EXOC1L: variants seen among roughly 807,000 people sequenced by gnomAD.
The protein encoded by EXOC1L is exocyst complex component 1-like.
In EXOC1L, 10 loss-of-function variants were observed where a neutral mutation model predicts 4.9. The ratio of observed to expected loss-of-function variants is 2.02; its 90% confidence interval spans 1.25 to 3.43. EXOC1L has a LOEUF of 3.43. Ranked by LOEUF, EXOC1L falls within the 30% of genes most tolerant of loss-of-function variation. EXOC1L has a pLI of 0.00. For missense variants in EXOC1L, 114 were observed against 59.4 expected (o/e 1.92, Z -3.02); for synonymous variants, 41 against 20.8 (o/e 1.97, Z -2.63).
intron 2 of EXOC1L, 137 bp downstream of exon 2, chr4:55,831,601 T>A: frequency 2.2e-6 from 1 of 448,892 alleles, no homozygotes. Context: ...CATAGTTTAA[T>A]CTACTGGGAT....
At chr4:55,821,639 G>A (rs987671154) in intron 1 of EXOC1L, among the ~76,000 whole-genome samples, 1 of 151,732 alleles carries the variant, frequency 6.6e-6, no homozygotes, top group Non-Finnish European at 1.5e-5. Flanking sequence ...AACTAGACTT[G>A]TTCTATCTGA....
intron 2 of EXOC1L, among the ~76,000 whole-genome samples, chr4:55,832,383 C>A (rs1260629489): frequency 6.6e-6 from 1 of 151,912 alleles, no homozygotes; most frequent in African/African-American, 2.4e-5. Flanking sequence ...TTGTTCCAAC[C>A]TTTAAAATCT....
At chr4:55,828,798 A>G (rs904934039) in intron 1 of EXOC1L, among the ~76,000 whole-genome samples, 2 of 152,186 alleles carry the variant, frequency 1.3e-5, no homozygotes, top group Non-Finnish European at 2.9e-5. Flanking sequence ...AGCCATGATC[A>G]TGCCACTGTA....
intron 1 of EXOC1L, among the ~76,000 whole-genome samples, chr4:55,826,079 C>G (rs1719874209): frequency 7.3e-6 from 1 of 136,824 alleles, no homozygotes; most frequent in African/African-American, 2.7e-5. Context: ...GAGCGAAACT[C>G]CATCTCAAAA....
In EXOC1L at chr4:55,837,211, C is replaced by G. The variant is rs1212814424; in HGVS notation, c.379C>G (p.Gln127Glu). ...TCATGCATATCTTAAAAAGGACTTA[C>G]AGATCGTGAACTTTGATTCTACATA... is the stretch of plus-strand genomic sequence containing the variant. ...LNHAYLKKDLQIVNFDSTYIN... is the reference protein window; with the variant it reads ...LNHAYLKKDLEIVNFDSTYIN... The change falls in exon 3 of 3, where the codon CAG (glutamine) becomes GAG (glutamate). Residue 127 changes from glutamine (Q) to glutamate (E), a missense_variant. Physicochemically the swap from Gln to Glu is conservative, Grantham distance 29. Coordinates refer to ENST00000636125, the MANE Select transcript of EXOC1L (RefSeq NM_001351574.3). 3 of 702,054 alleles carry G rather than the reference C, an allele frequency of 4.3e-6. No individual in the cohort carries two copies. The highest frequency in any genetic ancestry group is 7.8e-6 in the Non-Finnish European group (3 of 384,350). The allele number at this position is 702,054 out of a possible 1,614,324, so 43.5% of individuals were successfully genotyped here.
intron 1 of EXOC1L, among the ~76,000 whole-genome samples, chr4:55,820,928 C>T (rs971373327): frequency 8.5e-5 from 13 of 152,120 alleles, no homozygotes; most frequent in African/African-American, 3.1e-4. Context: ...CATTATTGAA[C>T]AGAATATACA....
rs540897347 is a variant in EXOC1L, at chr4:55,828,165, C to T, written c.122-3169C>T. On this transcript the variant is annotated intron_variant, in intron 1 of 2. Coordinates refer to ENST00000636125, the MANE Select transcript of EXOC1L (RefSeq NM_001351574.3). ...TGTGATCTCCATCATAGCCTTTAGTCTTCCTTCCTATTACCTTTGTAAATC... is the reference window on the plus strand; with the variant it reads ...TGTGATCTCCATCATAGCCTTTAGTTTTCCTTCCTATTACCTTTGTAAATC... 5.9e-5 allele frequency among the ~76,000 whole-genome samples: 9 copies of T among 152,290 alleles called. No homozygotes were observed. In the East Asian group the frequency reaches 1.7e-3, roughly 29 times the overall value.
chr4:55,834,092 T>A (rs949393614), intron 2 of EXOC1L, among the ~76,000 whole-genome samples: 1 of 151,932 alleles, frequency 6.6e-6, no homozygotes, highest in African/African-American at 2.4e-5. Context: ...TTAATTTACA[T>A]AAATGTAATA....
chr4:55,835,385 C>A (rs1720134311), intron 2 of EXOC1L, among the ~76,000 whole-genome samples: 1 of 151,888 alleles, frequency 6.6e-6, no homozygotes, highest in Non-Finnish European at 1.5e-5. Context: ...AGTTGGATTG[C>A]TGGATCAAAT....
chr4:55,820,533 A>T (rs1392043295), intron 1 of EXOC1L, among the ~76,000 whole-genome samples: 1 of 152,202 alleles, frequency 6.6e-6, no homozygotes, highest in Non-Finnish European at 1.5e-5. Flanking sequence ...TGGAGAATTG[A>T]GTTATACAGC....
intron 1 of EXOC1L, among the ~76,000 whole-genome samples, chr4:55,823,299 G>A (rs1719792653): frequency 6.6e-6 from 1 of 152,002 alleles, no homozygotes; most frequent in African/African-American, 2.4e-5. Flanking sequence ...AGAAAAGGAG[G>A]TTGCTAAAAA....
chr4:55,830,236 CAA>C (rs1054536230), intron 1 of EXOC1L, among the ~76,000 whole-genome samples: 4 of 152,184 alleles, frequency 2.6e-5, no homozygotes, highest in Admixed American at 6.5e-5. Context: ...GAGAGCATGT[CAA>C]AGTGATGCTT....
At chr4:55,822,607 G>T (rs151205981) in intron 1 of EXOC1L, among the ~76,000 whole-genome samples, 8 of 152,330 alleles carry the variant, frequency 5.3e-5, no homozygotes, top group African/African-American at 1.9e-4. Context: ...AAACTGGATG[G>T]AAAGTAACAG....
At chr4:55,833,027 A>T (rs1377071748) in intron 2 of EXOC1L, among the ~76,000 whole-genome samples, 3 of 152,006 alleles carry the variant, frequency 2.0e-5, no homozygotes, top group African/African-American at 4.8e-5. Context: ...AAACCTTTTT[A>T]AAAAAGTTGG....
chr4:55,834,806 G>T (rs1226842308), intron 2 of EXOC1L, among the ~76,000 whole-genome samples: 2 of 151,632 alleles, frequency 1.3e-5, no homozygotes, highest in Non-Finnish European at 3.0e-5. Flanking sequence ...TATGATTATG[G>T]TTTTTTTAAT....
At chr4:55,828,053 G>A (rs1246413376) in intron 1 of EXOC1L, among the ~76,000 whole-genome samples, 3 of 152,122 alleles carry the variant, frequency 2.0e-5, no homozygotes, top group Non-Finnish European at 2.9e-5. Flanking sequence ...AAGATCTTCT[G>A]CTTGAGGTCC....
chr4:55,829,336 G>T (rs1234164659), intron 1 of EXOC1L, among the ~76,000 whole-genome samples: 1 of 152,174 alleles, frequency 6.6e-6, no homozygotes, highest in African/African-American at 2.4e-5. Context: ...CATAAGAAAA[G>T]TGAGGTTTAA....
chr4:55,836,968 A>G, intron 2 of EXOC1L, 117 bp from the exon 3 acceptor site: 1 of 473,820 alleles, frequency 2.1e-6, no homozygotes, highest in African/African-American at 2.0e-5. Flanking sequence ...TTTTAGAAAT[A>G]TGTTTGATAC....
chr4:55,821,422 A>C (rs767948805), intron 1 of EXOC1L, among the ~76,000 whole-genome samples: 15 of 152,144 alleles, frequency 9.9e-5, no homozygotes, highest in Non-Finnish European at 2.1e-4. Context: ...ATTTTTACTG[A>C]ATATATTAGA....
Sources: allele counts gnomAD v4.1 joint callset (sites outside exome capture counted in the v4.1 genomes callset), GRCh38; gene constraint gnomAD v4.1.1; transcripts MANE v1.5; gene names NCBI Gene and HGNC (gene_info 2026-07-23, HGNC 2026-07-21).